The following GABPB2 variants were observed in gnomAD, a reference collection of about 807,000 sequenced individuals.
The protein encoded by GABPB2 is GA-binding protein subunit beta-2.
A neutral mutation model predicts 39.1 loss-of-function variants in GABPB2; 23 were observed. The ratio of observed to expected loss-of-function variants is 0.59; its 90% CI spans 0.42 to 0.83. GABPB2 has a LOEUF of 0.83. Among genes scored for constraint, GABPB2 ranks in the 40% least tolerant of loss-of-function variants. GABPB2 has a pLI of 0.00. For missense variants in GABPB2, 467 were observed against 541.1 expected, an observed-to-expected ratio of 0.86 and a Z score of 1.36; for synonymous variants, 184 against 199.3, an observed-to-expected ratio of 0.92 and a Z score of 0.65.
rs752075171 is a variant in GABPB2, at chr1:151,118,003, A to G, written c.1094A>G (p.Asn365Ser). Reference protein sequence around the residue: ...ELLQQQLQEANRRAQEYRHQL... With the variant: ...ELLQQQLQEASRRAQEYRHQL... ...CTACAGCAACAACTCCAGGAGGCCA[A>G]TCGAAGAGCCCAGGAATACCGACAC... Residue 365 changes from asparagine (N) to serine (S), a missense_variant, in exon 9 of 9, where the codon AAT (asparagine) becomes AGT (serine). Physicochemically the swap from Asn to Ser is conservative, Grantham distance 46 (BLOSUM62 1). Transcript: ENST00000368918. 3.8e-5 allele frequency: 61 copies of G among 1,614,008 alleles called. No individual in the cohort carries two copies. Among genetic ancestry groups the G allele is most frequent in the Non-Finnish European group, 4.5e-5 (53 of 1,179,994 alleles).
chr1:151,094,783 G>C (rs1373945667), intron 4 of GABPB2, among the ~76,000 whole-genome samples: 1 of 150,640 alleles, frequency 6.6e-6, no homozygotes, highest in Non-Finnish European at 1.5e-5. Context: ...GAGGCAGGTG[G>C]ATCACCTGAG....
intron 7 of GABPB2, among the ~76,000 whole-genome samples, chr1:151,114,881 G>A (rs587599975): frequency 1.0e-4 from 15 of 145,112 alleles, no homozygotes; most frequent in African/African-American, 3.8e-4. Context: ...GTGGTGGCAG[G>A]CACCTGTAAT....
At chr1:151,087,135 G>A (rs879844691) in intron 1 of GABPB2, among the ~76,000 whole-genome samples, 3 of 147,138 alleles carry the variant, frequency 2.0e-5, no homozygotes, top group Non-Finnish European at 4.5e-5. Context: ...GATTACAGGC[G>A]TGAGCCACCG....
chr1:151,112,753 TA>T, intron 7 of GABPB2: 1 of 183,484 alleles, frequency 5.5e-6, no homozygotes, highest in Non-Finnish European at 1.2e-5. Flanking sequence ...TGCAACGAGG[TA>T]AAAGGAAGGA....
At chr1:151,076,155 T>G (rs1407848543) in intron 1 of GABPB2, among the ~76,000 whole-genome samples, 1 of 152,172 alleles carries the variant, frequency 6.6e-6, no homozygotes, top group African/African-American at 2.4e-5. Context: ...AATATACTCC[T>G]CAACAGTAAA....
chr1:151,091,465 CAAAAAAAAAAAAAA>C (rs34351787), intron 3 of GABPB2, among the ~76,000 whole-genome samples: 1 of 73,456 alleles, frequency 1.4e-5, no homozygotes, highest in South Asian at 5.6e-4. Flanking sequence ...TCCTGTGTCT[CAAAAAAAAAAAAAA>C]AAAAAAAAAA....
Position 151,070,807 on chromosome 1 carries a change from C to A in GABPB2, c.-128C>A, listed in dbSNP as rs1676638348. The stretch of plus-strand genomic sequence containing the variant: ...CTCCACGAGGGGGGGTTAAAGGCCC[C>A]CAAAACATGCACACATGAAAAGGGC... On this transcript the variant is annotated 5_prime_UTR_variant, in exon 1 of 9. Transcript: ENST00000368918. 1 of 152,098 alleles carries A rather than the reference C, an allele frequency of 6.6e-6. No homozygotes were observed. Among genetic ancestry groups the A allele is most frequent in the Non-Finnish European group, 1.5e-5 (1 of 68,024 alleles). The allele number at this position is 152,098 out of a possible 1,614,324, so 9.4% of individuals were successfully genotyped here. A position where few individuals can be genotyped will look rare whatever the true frequency, so the allele number is the denominator to read the frequency against.
At chr1:151,093,417 A>G (rs1447537307) in intron 4 of GABPB2, 31 bp downstream of exon 4, 41 of 1,486,454 alleles carry the variant, frequency 2.8e-5, no homozygotes, top group Non-Finnish European at 3.2e-5. Flanking sequence ...TCCAGAATGT[A>G]TGTTAATTGA....
At chr1:151,072,801 C>T (rs1208921977) in intron 1 of GABPB2, among the ~76,000 whole-genome samples, 5 of 152,120 alleles carry the variant, frequency 3.3e-5, no homozygotes, top group Non-Finnish European at 7.4e-5. Flanking sequence ...GAGACAAGAT[C>T]GCGCCATTGT....
intron 6 of GABPB2, among the ~76,000 whole-genome samples, chr1:151,105,693 G>A (rs1254387208): frequency 1.3e-5 from 2 of 151,852 alleles, no homozygotes; most frequent in African/African-American, 2.4e-5. Flanking sequence ...TTTCAAATTT[G>A]GGGGGATGGT....
intron 5 of GABPB2, among the ~76,000 whole-genome samples, chr1:151,102,393 G>C (rs1209951924): frequency 6.6e-6 from 1 of 152,116 alleles, no homozygotes; most frequent in Non-Finnish European, 1.5e-5. Flanking sequence ...AGCGTTTTTA[G>C]TGTTAATCTA....
At chr1:151,105,399 T>C (rs1023696528) in intron 6 of GABPB2, among the ~76,000 whole-genome samples, 2 of 149,012 alleles carry the variant, frequency 1.3e-5, no homozygotes, top group Non-Finnish European at 3.0e-5. Context: ...TATGTATATA[T>C]CAAATGTATA....
chr1:151,102,557 C>T (rs1291988364), intron 5 of GABPB2, among the ~76,000 whole-genome samples: 1 of 151,992 alleles, frequency 6.6e-6, no homozygotes, highest in Non-Finnish European at 1.5e-5. Flanking sequence ...ATTCTCTTGC[C>T]TCAGCCTCCT....
At chr1:151,088,526 T>C in intron 2 of GABPB2, 1 of 1,074,898 alleles carries the variant, frequency 9.3e-7, no homozygotes, top group Non-Finnish European at 1.3e-6. Flanking sequence ...AGGTATTATA[T>C]ACTTGTGATT....
chr1:151,071,533 A>C (rs1303338644), intron 1 of GABPB2, among the ~76,000 whole-genome samples: 3 of 140,950 alleles, frequency 2.1e-5, no homozygotes, highest in Non-Finnish European at 3.0e-5. Flanking sequence ...GCTCACTGCA[A>C]CCTGCAGCTC....
At chr1:151,105,386 A>T (rs1220024110) in intron 6 of GABPB2, among the ~76,000 whole-genome samples, 3 of 149,430 alleles carry the variant, frequency 2.0e-5, no homozygotes, top group Non-Finnish European at 4.4e-5. Flanking sequence ...ATGTGTGTAT[A>T]TATATGTATA....
At chr1:151,083,220 C>T (rs1420989868) in intron 1 of GABPB2, among the ~76,000 whole-genome samples, 1 of 152,176 alleles carries the variant, frequency 6.6e-6, no homozygotes, top group Non-Finnish European at 1.5e-5. Context: ...AATATTACCA[C>T]TTATTTCATC....
intron 4 of GABPB2, among the ~76,000 whole-genome samples, chr1:151,094,964 C>T (rs988685995): frequency 4.7e-5 from 7 of 148,692 alleles, no homozygotes; most frequent in African/African-American, 1.2e-4. Context: ...GAGCCAAGAT[C>T]GCGCCACTGC....
At chr1:151,115,222 T>C (rs899117246) in intron 7 of GABPB2, among the ~76,000 whole-genome samples, 6 of 151,552 alleles carry the variant, frequency 4.0e-5, no homozygotes, top group African/African-American at 1.5e-4. Context: ...TAGCCGAGTG[T>C]GGTGGCACAT....
Sources: allele counts gnomAD v4.1 joint callset (sites outside exome capture counted in the v4.1 genomes callset), GRCh38; gene constraint gnomAD v4.1.1; transcripts MANE v1.5; gene names NCBI Gene and HGNC (gene_info 2026-07-23, HGNC 2026-07-21).